The following PDE4D variants were observed in gnomAD, a reference collection of about 807,000 sequenced individuals.
PDE4D encodes phosphodiesterase 4D.
In PDE4D, 24 loss-of-function variants were observed where a neutral mutation model predicts 87.4. That is an observed-to-expected ratio of 0.27 (90% CI 0.20 to 0.39). The LOEUF (loss-of-function observed/expected upper bound fraction) is 0.39. Ranked by LOEUF, PDE4D falls within the 10% of genes least tolerant of loss-of-function variation. PDE4D has a pLI of 1.00. For synonymous variants in PDE4D, 384 were observed against 383.2 expected (o/e 1.00, Z -0.02); for missense variants, 714 against 1,041.0 (o/e 0.69, Z 4.32).
chr5:60,480,905 T>C (rs1177842187), intron 1 of PDE4D, among the ~76,000 whole-genome samples: 2 of 152,184 alleles, frequency 1.3e-5, no homozygotes, highest in Admixed American at 6.5e-5. Flanking sequence ...TGAGGATATT[T>C]TACTCTTTTG....
At chr5:60,296,816 T>A (rs1753436479) in intron 1 of PDE4D, among the ~76,000 whole-genome samples, 1 of 152,060 alleles carries the variant, frequency 6.6e-6, no homozygotes, top group Admixed American at 6.6e-5. Context: ...CTGGAAACCA[T>A]CATTCTCAGC....
chr5:60,244,885 C>CA (rs1156980766), intron 1 of PDE4D, among the ~76,000 whole-genome samples: 23 of 151,900 alleles, frequency 1.5e-4, no homozygotes, highest in African/African-American at 5.6e-4. Context: ...CTGGACTGGG[C>CA]AAAAATTTCT....
intron 1 of PDE4D, among the ~76,000 whole-genome samples, chr5:60,200,668 C>T: frequency 6.6e-6 from 1 of 152,242 alleles, no homozygotes; most frequent in Middle Eastern, 3.4e-3. Context: ...CCATTTATTT[C>T]ACTCTCCTTG....
At position 59,373,143 on chromosome 5, in the gene PDE4D, G is replaced by A. The variant is rs139260797; in HGVS notation, c.456-157175C>T. 3.4e-3 allele frequency among the ~76,000 whole-genome samples: 518 copies of A among 152,164 alleles called. 6 individuals carry two copies. The highest frequency in any genetic ancestry group is 0.012 in the African/African-American group (494 of 41,500). The stretch of plus-strand genomic sequence containing the variant: ...AGTGCCTTTTTTCCTCCAAACAACC[G>A]TGTCCCTTCTAAAGCAAGCTTCTAA... On this transcript the variant is annotated intron_variant, in intron 1 of 14. Coordinates refer to ENST00000340635, the MANE Select transcript of PDE4D (RefSeq NM_001104631.2).
chr5:60,474,798 A>G (rs1748180778), intron 1 of PDE4D, among the ~76,000 whole-genome samples: 1 of 152,106 alleles, frequency 6.6e-6, no homozygotes, highest in Admixed American at 6.5e-5. Context: ...ATGTTCCTGT[A>G]TGGAGCTCCT....
At chr5:59,019,437 T>A (rs1455643830) in intron 6 of PDE4D, among the ~76,000 whole-genome samples, 1 of 152,182 alleles carries the variant, frequency 6.6e-6, no homozygotes, top group East Asian at 1.9e-4. Context: ...TATAGGACAA[T>A]GTGCAAATGG....
chr5:59,145,047 A>G (rs1304531234), intron 5 of PDE4D, among the ~76,000 whole-genome samples: 1 of 152,106 alleles, frequency 6.6e-6, no homozygotes, highest in Non-Finnish European at 1.5e-5. Flanking sequence ...TTTTTTTCTC[A>G]AAGAAAATAA....
chr5:60,106,277 G>C (rs1776905024), intron 2 of PDE4D, among the ~76,000 whole-genome samples: 1 of 151,840 alleles, frequency 6.6e-6, no homozygotes. Context: ...TTACATAATG[G>C]TAAAGGGATC....
intron 3 of PDE4D, among the ~76,000 whole-genome samples, chr5:59,912,853 C>T (rs573170336): frequency 6.6e-6 from 1 of 152,246 alleles, no homozygotes; most frequent in South Asian, 2.1e-4. Context: ...ACAAACACTT[C>T]AGAAAGGAAA....
chr5:60,019,470 C>T (rs10041046), intron 2 of PDE4D, among the ~76,000 whole-genome samples: 76,051 of 151,976 alleles, frequency 0.5, 19,536 homozygotes, highest in East Asian at 0.82. Flanking sequence ...CTGTTTCCTC[C>T]ACATTGAAAT....
chr5:59,727,374 C>A (rs925315957), intron 1 of PDE4D, among the ~76,000 whole-genome samples: 1 of 151,986 alleles, frequency 6.6e-6, no homozygotes, highest in Non-Finnish European at 1.5e-5. Context: ...CCCAGCAATA[C>A]GCCTCAGGGA....
intron 1 of PDE4D, among the ~76,000 whole-genome samples, chr5:59,272,101 A>T (rs1763937443): frequency 6.6e-6 from 1 of 152,056 alleles, no homozygotes; most frequent in South Asian, 2.1e-4. Context: ...AAACAACCAC[A>T]GTCATATTTT....
rs1345989779 is a variant in PDE4D at position 59,370,373 on chromosome 5, C to T, written c.456-154405G>A. Among the ~76,000 whole-genome samples, 4 of 152,232 alleles carry T rather than the reference C, an allele frequency of 2.6e-5. No individual in the cohort carries two copies. The East Asian group carries it at 5.8e-4, about 22-fold the overall frequency. On this transcript the variant is annotated intron_variant, in intron 1 of 14. Coordinates refer to ENST00000340635, the MANE Select transcript of PDE4D (RefSeq NM_001104631.2). ...ATTCTCTTTCTTGCTTACTCAGTTC[C>T]CACAATACTCAACTTCTTCCTGTTC... is the stretch of plus-strand genomic sequence containing the variant.
upstream of PDE4D, among the ~76,000 whole-genome samples, chr5:59,894,707 G>C (rs981532544): frequency 2.0e-5 from 3 of 152,164 alleles, no homozygotes; most frequent in African/African-American, 7.2e-5. Context: ...GCCACTTCCA[G>C]CAGAACACAG....
intron 1 of PDE4D, among the ~76,000 whole-genome samples, chr5:59,558,367 T>C (rs1020138642): frequency 5.3e-5 from 8 of 152,120 alleles, no homozygotes; most frequent in Non-Finnish European, 7.4e-5. Context: ...AAATGTTACA[T>C]TGAAGTAGCT....
intron 1 of PDE4D, among the ~76,000 whole-genome samples, chr5:59,667,905 T>A (rs1018958294): frequency 8.5e-5 from 13 of 152,248 alleles, no homozygotes; most frequent in Admixed American, 5.2e-4. Context: ...GTACCTGAGC[T>A]TAGCAGCTCA....
intron 11 of PDE4D, among the ~76,000 whole-genome samples, chr5:58,986,966 T>C (rs1746585604): frequency 3.3e-5 from 5 of 151,570 alleles, no homozygotes; most frequent in Non-Finnish European, 7.4e-5. Context: ...AAGATAGATA[T>C]ATATATATAC....
intron 1 of PDE4D, among the ~76,000 whole-genome samples, chr5:60,326,121 T>C (rs1190738163): frequency 6.6e-6 from 1 of 152,196 alleles, no homozygotes; most frequent in Non-Finnish European, 1.5e-5. Flanking sequence ...AAGACTGCTA[T>C]AAACACTTAC....
At position 59,189,232 on chromosome 5, in the gene PDE4D, G is replaced by GTTTTTTTTTTGTTTTTT. The variant is rs1561662951; in HGVS notation, c.685-3971_685-3970insAAAAAACAAAAAAAAAA. On this transcript the variant is annotated intron_variant, in intron 3 of 14. Coordinates refer to ENST00000340635, the MANE Select transcript of PDE4D (RefSeq NM_001104631.2). The stretch of plus-strand genomic sequence containing the variant: ...AAAGAGATGTAGTTGTTCCTACCCC[G>GTTTTTTTTTTGTTTTTT]TTTTTTTTTTTGTTTTTTTTGTTTT... Among the ~76,000 whole-genome samples, 9 of 99,896 alleles carry GTTTTTTTTTTGTTTTTT rather than the reference G, an allele frequency of 9.0e-5. 1 individual carries two copies. The highest frequency in any genetic ancestry group is 2.1e-4 in the Admixed American group (2 of 9,318). 65.5% of individuals were successfully genotyped at this position (99,896 alleles called of 152,430 possible).
Sources: allele counts gnomAD v4.1 joint callset (sites outside exome capture counted in the v4.1 genomes callset), GRCh38; gene constraint gnomAD v4.1.1; transcripts MANE v1.5; gene names NCBI Gene and HGNC (gene_info 2026-07-23, HGNC 2026-07-21).